Variants in SLX4IP observed in about 807,000 individuals in gnomAD.
The protein encoded by SLX4IP is SLX4 interacting protein, also known as protein SLX4IP.
SLX4IP carries 34 observed loss-of-function variants against 32.9 expected under a neutral mutation model. The ratio of observed to expected loss-of-function variants is 1.03; its 90% CI spans 0.79 to 1.38. SLX4IP has a LOEUF of 1.38. Ranked by LOEUF, SLX4IP falls within the 40% of genes most tolerant of loss-of-function variation. The probability of loss-of-function intolerance (pLI) is 0.00; values close to 1 mark genes in which losing one functional copy is unlikely to be tolerated. For missense variants in SLX4IP, 444 were observed against 479.0 expected, an observed-to-expected ratio of 0.93 and a Z score of 0.68; for synonymous variants, 172 against 171.7, an observed-to-expected ratio of 1.00 and a Z score of -0.01.
At chr20:10,479,408 A>G (rs73604310) in intron 2 of SLX4IP, among the ~76,000 whole-genome samples, 29,992 of 144,532 alleles carry the variant, frequency 0.21, 3,505 homozygotes, top group Admixed American at 0.27. Flanking sequence ...GCTGGAGTAC[A>G]GTGGCACAAT....
intron 2 of SLX4IP, among the ~76,000 whole-genome samples, chr20:10,466,153 C>T (rs1351188265): frequency 6.6e-6 from 1 of 152,218 alleles, no homozygotes; most frequent in African/African-American, 2.4e-5. Flanking sequence ...TTAAAAGTGT[C>T]AAGTGATACA....
At chr20:10,525,789 G>T (rs540063014) in intron 2 of SLX4IP, among the ~76,000 whole-genome samples, 1 of 152,178 alleles carries the variant, frequency 6.6e-6, no homozygotes, top group Non-Finnish European at 1.5e-5. Context: ...AAGGCTCAGC[G>T]CACAGACGTC....
chr20:10,447,313 A>G (rs1019016517), intron 1 of SLX4IP, among the ~76,000 whole-genome samples: 13 of 152,088 alleles, frequency 8.5e-5, no homozygotes, highest in Admixed American at 7.2e-4. Context: ...GCATTGTAGC[A>G]GTTTTGCAAG....
intron 1 of SLX4IP, among the ~76,000 whole-genome samples, chr20:10,438,383 G>A (rs563327085): frequency 9.9e-5 from 15 of 151,198 alleles, no homozygotes; most frequent in Middle Eastern, 6.9e-3. Context: ...TCCTCTTGCC[G>A]CATTGTCATC....
intron 1 of SLX4IP, among the ~76,000 whole-genome samples, chr20:10,439,527 G>T (rs6104610): frequency 0.019 from 2,947 of 152,280 alleles, 82 homozygotes; most frequent in Admixed American, 0.082. Flanking sequence ...TTTTTTAGAA[G>T]TTTAATTATT....
intron 2 of SLX4IP, among the ~76,000 whole-genome samples, chr20:10,472,245 T>TC (rs2065430501): frequency 6.6e-6 from 1 of 151,734 alleles, no homozygotes; most frequent in Non-Finnish European, 1.5e-5. Flanking sequence ...TTTTTTTTTT[T>TC]TTTGAGATGG....
intron 6 of SLX4IP, among the ~76,000 whole-genome samples, chr20:10,604,885 C>A (rs1424929708): frequency 6.6e-6 from 1 of 152,124 alleles, no homozygotes; most frequent in East Asian, 1.9e-4. Flanking sequence ...CAGTTTTTGA[C>A]CTATTGCTAG....
At chr20:10,543,286 A>G (rs1293577022) in intron 2 of SLX4IP, among the ~76,000 whole-genome samples, 1 of 152,210 alleles carries the variant, frequency 6.6e-6, no homozygotes, top group Non-Finnish European at 1.5e-5. Context: ...AGTTACAATT[A>G]GTTACCATGT....
intron 4 of SLX4IP, among the ~76,000 whole-genome samples, chr20:10,593,020 C>T (rs1231676037): frequency 3.9e-5 from 6 of 152,178 alleles, no homozygotes; most frequent in Admixed American, 3.9e-4. Flanking sequence ...CCTCTTTCTT[C>T]CTGTTCTCTT....
At chr20:10,455,750 C>T (rs1416396505) in intron 1 of SLX4IP, among the ~76,000 whole-genome samples, 2 of 152,072 alleles carry the variant, frequency 1.3e-5, no homozygotes, top group African/African-American at 4.8e-5. Context: ...GTTGGGATTA[C>T]AGGTGCACAC....
chr20:10,621,545 C>A, intron 7 of SLX4IP, 131 bp downstream of exon 7: 1 of 735,924 alleles, frequency 1.4e-6, no homozygotes, highest in Non-Finnish European at 2.3e-6. Context: ...ACTTACTCTC[C>A]CCTCCCTCCT....
intron 6 of SLX4IP, among the ~76,000 whole-genome samples, chr20:10,615,902 A>G (rs2067021706): frequency 6.6e-6 from 1 of 152,144 alleles, no homozygotes; most frequent in Non-Finnish European, 1.5e-5. Flanking sequence ...TTATAAAAAC[A>G]CCTAATCCCA....
intron 2 of SLX4IP, among the ~76,000 whole-genome samples, chr20:10,520,271 T>C (rs1477097328): frequency 1.3e-5 from 2 of 152,068 alleles, no homozygotes; most frequent in Non-Finnish European, 1.5e-5. Context: ...AGGATGGTCT[T>C]GATCTCCTGA....
chr20:10,558,974 C>T (rs1451740939), intron 3 of SLX4IP, among the ~76,000 whole-genome samples: 1 of 152,210 alleles, frequency 6.6e-6, no homozygotes, highest in Non-Finnish European at 1.5e-5. Flanking sequence ...TGAGCCTTTG[C>T]TTTATTTTTG....
intron 2 of SLX4IP, among the ~76,000 whole-genome samples, chr20:10,461,661 T>C (rs572220846): frequency 6.6e-6 from 1 of 152,386 alleles, no homozygotes; most frequent in Non-Finnish European, 1.5e-5. Context: ...CACCTGCTAC[T>C]GATGTTGTCA....
At chr20:10,588,055 A>G (rs2066665157) in intron 4 of SLX4IP, among the ~76,000 whole-genome samples, 1 of 152,146 alleles carries the variant, frequency 6.6e-6, no homozygotes. Context: ...ATAGAATGGA[A>G]TAAATATTTT....
chr20:10,488,151 G>A (rs557094298), intron 2 of SLX4IP, among the ~76,000 whole-genome samples: 1 of 152,170 alleles, frequency 6.6e-6, no homozygotes, highest in East Asian at 1.9e-4. Context: ...AATGTATGTT[G>A]ACATTCTAAC....
rs1568720264 is a variant in SLX4IP, at chr20:10,518,479, T to TTCC, written c.28-37751_28-37750insCCT. Among the ~76,000 whole-genome samples the TTCC allele has an allele frequency of 1.4e-3, 62 of 45,188 alleles. 3 individuals carry two copies. Among genetic ancestry groups the TTCC allele is most frequent in the South Asian group, 2.9e-3 (2 of 678 alleles). 29.6% of individuals were successfully genotyped at this position (45,188 alleles called of 152,430 possible). ...CCTTCCTTCCTTTCCTTTCTTTTCCTTTCCTTTCCTTTTCCTTCCTTCCTT... is the reference window on the plus strand; with the variant it reads ...CCTTCCTTCCTTTCCTTTCTTTTCCTTCCTTCCTTTCCTTTTCCTTCCTTCCTT... On this transcript the variant is annotated intron_variant, in intron 2 of 7. Transcript: ENST00000334534.
intron 2 of SLX4IP, among the ~76,000 whole-genome samples, chr20:10,496,211 T>A (rs2065666182): frequency 6.6e-6 from 1 of 152,222 alleles, no homozygotes; most frequent in Non-Finnish European, 1.5e-5. Flanking sequence ...TGATATTTAT[T>A]ACGTGCATAG....
Sources: allele counts gnomAD v4.1 joint callset (sites outside exome capture counted in the v4.1 genomes callset), GRCh38; gene constraint gnomAD v4.1.1; transcripts MANE v1.5; gene names NCBI Gene and HGNC (gene_info 2026-07-23, HGNC 2026-07-21).